The following SLC4A7 variants were observed in gnomAD, a reference collection of about 807,000 sequenced individuals.
The protein encoded by SLC4A7 is solute carrier family 4 member 7, also known as sodium bicarbonate cotransporter 3.
Under a neutral mutation model 137.6 loss-of-function variants are expected in SLC4A7, and 51 were observed. The ratio of observed to expected loss-of-function variants is 0.37; its 90% CI spans 0.30 to 0.47. The LOEUF is 0.47. Among genes scored for constraint, SLC4A7 ranks in the 20% least tolerant of loss-of-function variants. SLC4A7 has a pLI of 1.00. For synonymous variants in SLC4A7, 542 were observed against 518.6 expected (o/e 1.05, Z -0.61); for missense variants, 1,247 against 1,525.4 (o/e 0.82, Z 3.04).
Position 27,403,367 on chromosome 3 carries a change from T to A in SLC4A7, c.2093A>T (p.Tyr698Phe), listed in dbSNP as rs768537897. 6.3e-6 allele frequency: 10 copies of A among 1,589,460 alleles called. No homozygotes were observed. The African/African-American group carries it at 6.8e-5, about 11-fold the overall frequency. ...ACCAATACTGGTTCTTAAAGACAGA[T>A]AAGAAAGTTGATAATCTCTGTTTAG... ...YKFCRDYQLS[Y>F]LSLRTSIGLW... is the part of the protein sequence containing the mutation. Residue 698 changes from tyrosine to phenylalanine, a missense_variant, in exon 15 of 26, where the codon TAT (tyrosine) becomes TTT (phenylalanine). By Grantham distance (22) the Tyr-to-Phe change is conservative. Coordinates refer to ENST00000454389, the MANE Select transcript of SLC4A7 (RefSeq NM_001321103.2).
chr3:27,461,208 G>GCGCACACA (rs915786613), intron 1 of SLC4A7, among the ~76,000 whole-genome samples: 16 of 149,998 alleles, frequency 1.1e-4, no homozygotes, highest in African/African-American at 3.7e-4. Flanking sequence ...CATCCAATTA[G>GCGCACACA]CACACACACA....
At chr3:27,440,441 A>C (rs572181238) in intron 3 of SLC4A7, among the ~76,000 whole-genome samples, 1 of 152,098 alleles carries the variant, frequency 6.6e-6, no homozygotes, top group African/African-American at 2.4e-5. Flanking sequence ...CAAAATTCTT[A>C]ACCCAGCCAG....
In SLC4A7 at chr3:27,416,300, C is replaced by A. The variant is rs578092500; in HGVS notation, c.1659+2186G>T. 5.9e-5 allele frequency among the ~76,000 whole-genome samples: 9 copies of A among 152,270 alleles called. No individual in the cohort carries two copies. The East Asian group carries it at 1.7e-3, about 29-fold the overall frequency. On this transcript the variant is annotated intron_variant, in intron 11 of 25. Coordinates refer to ENST00000454389, the MANE Select transcript of SLC4A7 (RefSeq NM_001321103.2). ...GGTAGTAACTATGAAATTACAATGA[C>A]AGTGGTATGGTATTTACTATAGTTA...
At chr3:27,424,344 C>T (rs924410635) in intron 7 of SLC4A7, 192 bp from the exon 8 acceptor site, 14 of 393,578 alleles carry the variant, frequency 3.6e-5, no homozygotes, top group Admixed American at 3.1e-4. Context: ...CAAAGCTATA[C>T]ATTTTAATAT....
At chr3:27,451,148 A>G (rs1370809129) in intron 2 of SLC4A7, among the ~76,000 whole-genome samples, 1 of 152,044 alleles carries the variant, frequency 6.6e-6, no homozygotes, top group Non-Finnish European at 1.5e-5. Flanking sequence ...GTTAAAAAAA[A>G]AAATCGTTTA....
At chr3:27,469,679 G>A (rs1274664606) in intron 1 of SLC4A7, among the ~76,000 whole-genome samples, 1 of 152,006 alleles carries the variant, frequency 6.6e-6, no homozygotes, top group Non-Finnish European at 1.5e-5. Context: ...CTTGAACCCG[G>A]GAAGCAGAGG....
At chr3:27,437,348 T>C (rs916566445) in intron 4 of SLC4A7, 40 bp downstream of exon 4, 3 of 1,404,992 alleles carry the variant, frequency 2.1e-6, no homozygotes, top group African/African-American at 1.5e-5. Flanking sequence ...CAAAACTCCA[T>C]CTCAAAAAAA....
chr3:27,480,684 C>T (rs1476230565), intron 1 of SLC4A7, among the ~76,000 whole-genome samples: 1 of 152,138 alleles, frequency 6.6e-6, no homozygotes, highest in South Asian at 2.1e-4. Context: ...AACTGTGATT[C>T]CCCAAACAGA....
intron 1 of SLC4A7, among the ~76,000 whole-genome samples, chr3:27,462,074 G>A (rs1212704432): frequency 6.9e-6 from 1 of 144,588 alleles, no homozygotes; most frequent in East Asian, 1.9e-4. Context: ...CATCAGATTA[G>A]CAAAACAAAT....
At chr3:27,412,072 A>T (rs1232219050) in intron 11 of SLC4A7, among the ~76,000 whole-genome samples, 2 of 152,290 alleles carry the variant, frequency 1.3e-5, no homozygotes, top group East Asian at 3.9e-4. Context: ...GTAACCTCCA[A>T]AAAAGCATCT....
chr3:27,389,210 A>C (rs2051282137), intron 22 of SLC4A7, among the ~76,000 whole-genome samples: 1 of 152,130 alleles, frequency 6.6e-6, no homozygotes, highest in Admixed American at 6.5e-5. Context: ...TTAGACAGAC[A>C]TTGTTATAAT....
rs1474387042 is a variant in SLC4A7, at chr3:27,376,479, T to C, written c.*285A>G. 2 of 211,422 alleles carry C rather than the reference T, an allele frequency of 9.5e-6. No homozygotes were observed. Among genetic ancestry groups the C allele is most frequent in the East Asian group, 2.0e-4 (2 of 10,042 alleles). 13.1% of individuals were successfully genotyped at this position (211,422 alleles called of 1,614,324 possible). A position where few individuals can be genotyped will look rare whatever the true frequency, so the allele number is the denominator to read the frequency against. ...CTGATGAACAGAGATTTAAGAAAAG[T>C]AGACTGAAAGCATTTCTCCACATCC... On this transcript the variant is annotated 3_prime_UTR_variant, in exon 26 of 26. Transcript: ENST00000454389.
At chr3:27,437,788 T>C (rs1021976518) in intron 3 of SLC4A7, among the ~76,000 whole-genome samples, 1 of 151,688 alleles carries the variant, frequency 6.6e-6, no homozygotes, top group African/African-American at 2.4e-5. Flanking sequence ...ACTAACTTTA[T>C]AACTGATCTA....
intron 8 of SLC4A7, 88 bp from the exon 9 acceptor site, chr3:27,421,867 C>G: frequency 1.1e-6 from 1 of 876,170 alleles, no homozygotes; most frequent in Non-Finnish European, 1.7e-6. Context: ...CTTTATAAGA[C>G]TACTATTTGC....
In SLC4A7 at chr3:27,375,865, G is replaced by A. The variant is rs143286572; in HGVS notation, c.*899C>T. ...AGAATTCTAACTCCTGATTATTTAC[G>A]CCTACTACTTATAAGAGAATAATAG... On this transcript the variant is annotated 3_prime_UTR_variant, in exon 26 of 26. Coordinates refer to ENST00000454389, the MANE Select transcript of SLC4A7 (RefSeq NM_001321103.2). The A allele has an allele frequency of 5.6e-4, 85 of 151,998 alleles. No homozygotes were observed. The highest frequency in any genetic ancestry group is 2.0e-3 in the African/African-American group (81 of 41,502). 9.4% of individuals were successfully genotyped at this position (151,998 alleles called of 1,614,324 possible). A position where few individuals can be genotyped will look rare whatever the true frequency, so the allele number is the denominator to read the frequency against.
chr3:27,474,927 G>A (rs111718051), intron 1 of SLC4A7, among the ~76,000 whole-genome samples: 8,322 of 151,940 alleles, frequency 0.055, 763 homozygotes, highest in African/African-American at 0.19. Context: ...GGCCAACATG[G>A]TGAAACCCCA....
At chr3:27,436,362 T>C (rs1009538285) in intron 5 of SLC4A7, 26 bp downstream of exon 5, 7 of 1,578,098 alleles carry the variant, frequency 4.4e-6, no homozygotes, top group Non-Finnish European at 6.1e-6. Flanking sequence ...ACCTTACATA[T>C]TTTTTAAAAG....
At chr3:27,464,368 ATAAT>A (rs1205267824) in intron 1 of SLC4A7, among the ~76,000 whole-genome samples, 1 of 152,202 alleles carries the variant, frequency 6.6e-6, no homozygotes, top group Non-Finnish European at 1.5e-5. Context: ...AAGATAACTG[ATAAT>A]TCATTAAGGG....
chr3:27,467,323 C>T (rs1006638293), intron 1 of SLC4A7, among the ~76,000 whole-genome samples: 6 of 152,146 alleles, frequency 3.9e-5, no homozygotes, highest in Non-Finnish European at 1.5e-5. Context: ...CTATATTAAA[C>T]TACATATAAT....
Sources: gnomAD v4.1 joint callset for allele counts (sites outside exome capture counted in the v4.1 genomes callset) on GRCh38, gnomAD v4.1.1 for gene constraint, MANE v1.5 for transcripts, NCBI Gene and HGNC (gene_info 2026-07-23, HGNC 2026-07-21) for gene names.